The following PCDH7 variants were observed in gnomAD, a reference collection of about 807,000 sequenced individuals.
PCDH7 encodes the protein protocadherin 7, also known as protocadherin-7.
PCDH7 carries 17 observed loss-of-function variants against 58.9 expected under a neutral mutation model. The observed-to-expected ratio is 0.29, with a 90% CI of 0.20 to 0.43. The LOEUF (loss-of-function observed/expected upper bound fraction) is 0.43, where lower values mean the gene tolerates loss of function less well. Among genes scored for constraint, PCDH7 ranks in the 20% least tolerant of loss-of-function variants. PCDH7 has a pLI of 1.00. For missense variants in PCDH7, 1,274 were observed against 1,441.0 expected (o/e 0.88, Z 1.88); for synonymous variants, 664 against 616.4 (o/e 1.08, Z -1.14).
chr4:30,790,494 G>T (rs971642872), intron 1 of PCDH7, among the ~76,000 whole-genome samples: 1 of 152,148 alleles, frequency 6.6e-6, no homozygotes, highest in Non-Finnish European at 1.5e-5. Context: ...GAATTTTATG[G>T]TTCCTTAAAT....
At chr4:30,885,671 C>T (rs551978255) in intron 1 of PCDH7, among the ~76,000 whole-genome samples, 5 of 152,116 alleles carry the variant, frequency 3.3e-5, no homozygotes, top group Non-Finnish European at 4.4e-5. Flanking sequence ...CAAGTCAATC[C>T]TAAGCCAAAA....
intron 3 of PCDH7, among the ~76,000 whole-genome samples, chr4:31,092,370 A>T (rs1431014320): frequency 6.6e-6 from 1 of 152,024 alleles, no homozygotes; most frequent in East Asian, 1.9e-4. Context: ...ATAAGATCAG[A>T]TTCTAACCTA....
chr4:30,929,481 A>G (rs1744293421), intron 2 of PCDH7, among the ~76,000 whole-genome samples: 1 of 152,184 alleles, frequency 6.6e-6, no homozygotes, highest in Non-Finnish European at 1.5e-5. Flanking sequence ...AGTTCGTTAT[A>G]AGAATGAGAA....
chr4:30,760,325 G>A (rs762519488), intron 1 of PCDH7, among the ~76,000 whole-genome samples: 1 of 152,160 alleles, frequency 6.6e-6, no homozygotes, highest in Non-Finnish European at 1.5e-5. Flanking sequence ...AGCCCTTCAA[G>A]AGGTCACTCT....
At chr4:31,022,857 G>A (rs978913875) in intron 3 of PCDH7, among the ~76,000 whole-genome samples, 1 of 152,124 alleles carries the variant, frequency 6.6e-6, no homozygotes, top group African/African-American at 2.4e-5. Flanking sequence ...ATAAGCTGCT[G>A]TGCAAGGTAG....
intron 3 of PCDH7, among the ~76,000 whole-genome samples, chr4:31,076,900 C>T (rs1186830325): frequency 6.6e-6 from 1 of 152,078 alleles, no homozygotes; most frequent in African/African-American, 2.4e-5. Flanking sequence ...ATTTTGTAAT[C>T]CTCATGCAAT....
At chr4:30,748,050 A>G (rs1717998228) in intron 1 of PCDH7, among the ~76,000 whole-genome samples, 1 of 152,246 alleles carries the variant, frequency 6.6e-6, no homozygotes, top group South Asian at 2.1e-4. Flanking sequence ...ATTTTTCTGT[A>G]AAATGAAAGG....
At chr4:31,044,739 C>G (rs1430782543) in intron 3 of PCDH7, among the ~76,000 whole-genome samples, 1 of 151,958 alleles carries the variant, frequency 6.6e-6, no homozygotes, top group Non-Finnish European at 1.5e-5. Context: ...ACAAGAATCT[C>G]TAAATTAATT....
chr4:30,885,145 C>G (rs951911872), intron 1 of PCDH7: 1 of 152,052 alleles, frequency 6.6e-6, no homozygotes, highest in South Asian at 2.1e-4. Context: ...TTTAATTACT[C>G]TAGTGCCTCA....
chr4:31,004,435 C>A (rs1022072932), intron 3 of PCDH7, among the ~76,000 whole-genome samples: 1 of 152,042 alleles, frequency 6.6e-6, no homozygotes, highest in African/African-American at 2.4e-5. Flanking sequence ...TAAGGCCGGG[C>A]GTGGTGGCTT....
intron 3 of PCDH7, among the ~76,000 whole-genome samples, chr4:30,971,361 G>A (rs1223044483): frequency 6.6e-6 from 1 of 152,104 alleles, no homozygotes; most frequent in African/African-American, 2.4e-5. Flanking sequence ...AAAGCAATAG[G>A]AAAATAAACC....
intron 3 of PCDH7, among the ~76,000 whole-genome samples, chr4:31,007,277 T>C (rs1308956731): frequency 6.6e-6 from 1 of 152,190 alleles, no homozygotes; most frequent in Non-Finnish European, 1.5e-5. Context: ...TTAGTTAGTG[T>C]TTTTAAAGTA....
At chr4:31,029,539 C>T (rs577577133) in intron 3 of PCDH7, among the ~76,000 whole-genome samples, 2 of 152,250 alleles carry the variant, frequency 1.3e-5, no homozygotes, top group African/African-American at 2.4e-5. Context: ...TGGGAAATAG[C>T]GGTGCTATTA....
chr4:31,128,620 T>C (rs1718602268), intron 3 of PCDH7, among the ~76,000 whole-genome samples: 1 of 152,122 alleles, frequency 6.6e-6, no homozygotes, highest in Non-Finnish European at 1.5e-5. Flanking sequence ...AACTATAAAA[T>C]AGCTATTATC....
At chr4:30,808,743 A>G (rs1166365165) in intron 1 of PCDH7, among the ~76,000 whole-genome samples, 1 of 152,176 alleles carries the variant, frequency 6.6e-6, no homozygotes, top group East Asian at 1.9e-4. Flanking sequence ...GAAAAGTTCC[A>G]TTTGTGCAGA....
chr4:31,123,764 G>A (rs781154119), intron 3 of PCDH7, among the ~76,000 whole-genome samples: 1 of 152,094 alleles, frequency 6.6e-6, no homozygotes, highest in Non-Finnish European at 1.5e-5. Flanking sequence ...ATTGAAGGGT[G>A]GTGTATGCAG....
At chr4:30,988,829 AG>A (rs2109120479) in intron 3 of PCDH7, among the ~76,000 whole-genome samples, 1 of 152,324 alleles carries the variant, frequency 6.6e-6, no homozygotes, top group East Asian at 1.9e-4. Flanking sequence ...CTTTCTTTGC[AG>A]GCCCTGTGCA....
chr4:31,040,101 A>G (rs1485987118), intron 3 of PCDH7, among the ~76,000 whole-genome samples: 2 of 152,200 alleles, frequency 1.3e-5, no homozygotes, highest in Non-Finnish European at 2.9e-5. Context: ...TAATGTGCAT[A>G]ATTTACATTC....
At chr4:31,035,247 C>CTTTTTTTTTTTTTTTT (rs35099580) in intron 3 of PCDH7, among the ~76,000 whole-genome samples, 1 of 99,380 alleles carries the variant, frequency 1.0e-5, no homozygotes, top group Non-Finnish European at 1.8e-5. Flanking sequence ...CCTTTTTTCC[C>CTTTTTTTTTTTTTTTT]TTTTTTTTTT....
Sources: gnomAD v4.1 joint callset for allele counts (sites outside exome capture counted in the v4.1 genomes callset) on GRCh38, gnomAD v4.1.1 for gene constraint, MANE v1.5 for transcripts, NCBI Gene and HGNC (gene_info 2026-07-23, HGNC 2026-07-21) for gene names.